SLC29A4: variants seen among roughly 807,000 people sequenced by gnomAD.
The protein encoded by SLC29A4 is equilibrative nucleoside transporter 4.
A neutral mutation model predicts 43.9 loss-of-function variants in SLC29A4; 36 were observed. The observed-to-expected ratio is 0.82, with a 90% CI of 0.63 to 1.08. The LOEUF (loss-of-function observed/expected upper bound fraction) is 1.08. Ranked by LOEUF, SLC29A4 falls within the 50% of genes least tolerant of loss-of-function variation. The pLI is 0.00. For missense variants in SLC29A4, 869 were observed against 755.3 expected, an observed-to-expected ratio of 1.15 and a Z score of -1.77; for synonymous variants, 491 against 338.0, an observed-to-expected ratio of 1.45 and a Z score of -4.97.
intron 2 of SLC29A4, among the ~76,000 whole-genome samples, chr7:5,289,703 C>A (rs751356085): frequency 2.6e-5 from 4 of 152,058 alleles, no homozygotes; most frequent in Non-Finnish European, 1.5e-5. Context: ...ACGGTCCCCC[C>A]CTTGCCGGTG....
At chr7:5,301,770 A>AGG (rs35377687) in intron 10 of SLC29A4, among the ~76,000 whole-genome samples, 1 of 151,980 alleles carries the variant, frequency 6.6e-6, no homozygotes, top group Non-Finnish European at 1.5e-5. Context: ...GGGAGAGGGA[A>AGG]GGGGGCTCCA....
intron 5 of SLC29A4, among the ~76,000 whole-genome samples, chr7:5,294,529 C>G (rs1785518607): frequency 1.3e-5 from 2 of 152,110 alleles, no homozygotes; most frequent in Non-Finnish European, 2.9e-5. Context: ...GCAGACAGTC[C>G]TCTCCCCACC....
intron 1 of SLC29A4, among the ~76,000 whole-genome samples, 161 bp downstream of exon 1, chr7:5,283,243 G>A (rs1418043920): frequency 4.2e-5 from 6 of 142,874 alleles, no homozygotes; most frequent in Non-Finnish European, 7.7e-5. Flanking sequence ...CCCCGGCCGC[G>A]TCCTGAGCGG....
At chr7:5,286,537 A>G (rs1186069116) in intron 1 of SLC29A4, among the ~76,000 whole-genome samples, 5 of 137,706 alleles carry the variant, frequency 3.6e-5, no homozygotes, top group South Asian at 2.1e-4. Flanking sequence ...AAAAAAAAGA[A>G]AAAAGAAAAA....
At chr7:5,297,283 C>T (rs957924383) in intron 7 of SLC29A4, 85 bp downstream of exon 7, 19 of 1,399,078 alleles carry the variant, frequency 1.4e-5, no homozygotes, top group African/African-American at 7.2e-5. Flanking sequence ...TGGGGCCCAG[C>T]CTCTCACCTG....
intron 10 of SLC29A4, among the ~76,000 whole-genome samples, chr7:5,302,471 A>T (rs1786235417): frequency 6.6e-6 from 1 of 152,140 alleles, no homozygotes. Context: ...TGAGCCCAGG[A>T]GGTCAAGGCT....
rs745909941 is a variant in SLC29A4 at position 5,297,021 on chromosome 7, C to T, written c.705C>T (p.Phe235=). ...PDERASTLIF[F]LVSVALELLC... ...AGCGCGCCAGCACGCTCATCTTCTT[C>T]CTGGTGTCGGTGGCGCTGGAGCTGC... is the stretch of plus-strand genomic sequence containing the variant. The change falls in exon 7 of 11, where the codon TTC becomes TTT. Residue 235 remains phenylalanine (F), a synonymous_variant. Transcript: ENST00000396872. The T allele has an allele frequency of 1.4e-5, 22 of 1,606,296 alleles. No individual in the cohort carries two copies. Among genetic ancestry groups the T allele is most frequent in the East Asian group, 6.7e-5 (3 of 44,874 alleles).
chr7:5,286,780 C>A (rs118188810), intron 1 of SLC29A4, among the ~76,000 whole-genome samples: 2 of 152,182 alleles, frequency 1.3e-5, no homozygotes, highest in African/African-American at 2.4e-5. Context: ...GCCACACAGA[C>A]CTGGGTTGAG....
At chr7:5,289,051 C>T (rs1481504745) in intron 2 of SLC29A4, among the ~76,000 whole-genome samples, 1 of 152,158 alleles carries the variant, frequency 6.6e-6, no homozygotes, top group Non-Finnish European at 1.5e-5. Flanking sequence ...ACCCTGTAAG[C>T]TATAGTTCTT....
chr7:5,301,945 A>G (rs1414043980), intron 10 of SLC29A4, among the ~76,000 whole-genome samples: 4 of 151,646 alleles, frequency 2.6e-5, no homozygotes, highest in African/African-American at 9.7e-5. Context: ...TGCAAGTCGG[A>G]GAGTGGAGAT....
Sources: allele counts gnomAD v4.1 joint callset (sites outside exome capture counted in the v4.1 genomes callset), GRCh38; gene constraint gnomAD v4.1.1; transcripts MANE v1.5; gene names NCBI Gene and HGNC (gene_info 2026-07-23, HGNC 2026-07-21).